The following NHEJ1 variants were observed in gnomAD, a reference collection of about 807,000 sequenced individuals.
NHEJ1 encodes non-homologous end joining factor 1, also known as non-homologous end-joining factor 1.
A neutral mutation model predicts 39.4 loss-of-function variants in NHEJ1; 22 were observed. The ratio of observed to expected loss-of-function variants is 0.56; its 90% CI spans 0.40 to 0.80. The LOEUF is 0.80. NHEJ1 is among the 30% of genes least tolerant of loss of function. NHEJ1 has a pLI of 0.00. For missense variants in NHEJ1, 329 were observed against 357.1 expected (o/e 0.92, Z 0.63); for synonymous variants, 154 against 135.6 (o/e 1.14, Z -0.94).
At chr2:219,102,175 A>C (rs1949268009) in intron 5 of NHEJ1, among the ~76,000 whole-genome samples, 1 of 152,214 alleles carries the variant, frequency 6.6e-6, no homozygotes, top group African/African-American at 2.4e-5. Flanking sequence ...AATTTTATAG[A>C]GTACATTCCC....
At chr2:219,080,349 C>T (rs747675177) in intron 5 of NHEJ1, among the ~76,000 whole-genome samples, 49 of 151,820 alleles carry the variant, frequency 3.2e-4, no homozygotes, top group African/African-American at 1.1e-3. Flanking sequence ...ACGGTGAAAC[C>T]GCATCTCTAC....
chr2:219,113,841 T>C (rs1347065009), intron 5 of NHEJ1, among the ~76,000 whole-genome samples: 1 of 151,570 alleles, frequency 6.6e-6, no homozygotes, highest in African/African-American at 2.4e-5. Flanking sequence ...ATCATAATGA[T>C]GACCATCACC....
At chr2:219,102,691 C>T (rs1949274462) in intron 5 of NHEJ1, 3 of 151,810 alleles carry the variant, frequency 2.0e-5, no homozygotes, top group Admixed American at 2.0e-4. Context: ...ATAGCTACTG[C>T]ACTCTAGCCT....
intron 5 of NHEJ1, among the ~76,000 whole-genome samples, chr2:219,093,989 A>G (rs2106329072): frequency 6.6e-6 from 1 of 152,342 alleles, no homozygotes; most frequent in Non-Finnish European, 1.5e-5. Context: ...CTCTAGAGAA[A>G]AATTAGTAAG....
At chr2:219,146,894 T>C (rs1382095509) in intron 4 of NHEJ1, among the ~76,000 whole-genome samples, 156 bp from the exon 5 acceptor site, 1 of 152,106 alleles carries the variant, frequency 6.6e-6, no homozygotes, top group East Asian at 1.9e-4. Context: ...GCTGAGAGCA[T>C]GTGGGCAAAA....
chr2:219,124,398 C>T (rs1241730379), intron 5 of NHEJ1, among the ~76,000 whole-genome samples: 3 of 151,986 alleles, frequency 2.0e-5, no homozygotes, highest in Non-Finnish European at 4.4e-5. Context: ...TTGAAATTTG[C>T]CCAAACAGGG....
chr2:219,131,181 T>G (rs753546629), intron 5 of NHEJ1, among the ~76,000 whole-genome samples: 1 of 152,016 alleles, frequency 6.6e-6, no homozygotes, highest in East Asian at 1.9e-4. Flanking sequence ...ATAAGACATG[T>G]TGGGGGAGGG....
chr2:219,104,333 T>C (rs920459288), intron 5 of NHEJ1, among the ~76,000 whole-genome samples: 6 of 152,172 alleles, frequency 3.9e-5, no homozygotes, highest in Admixed American at 3.3e-4. Context: ...TTGAGAACAG[T>C]ATTGACAGCT....
chr2:219,072,504 T>C lies in NHEJ1; in HGVS notation c.*3877A>G, dbSNP rs184455202. 3.6e-3 allele frequency among the ~76,000 whole-genome samples: 555 copies of C among 152,326 alleles called. 2 individuals are homozygous for C. Among genetic ancestry groups the C allele is most frequent in the Non-Finnish European group, 5.7e-3 (388 of 68,038 alleles). ...TTAGAAGACAGAAACTACTTCACAG[T>C]AGAGCTTAGAAAAACATATCCTGAT... On this transcript the variant is annotated 3_prime_UTR_variant, in exon 8 of 8. Coordinates refer to ENST00000356853, the MANE Select transcript of NHEJ1 (RefSeq NM_024782.3).
chr2:219,135,182 G>A (rs1018079731), intron 5 of NHEJ1, among the ~76,000 whole-genome samples: 4 of 152,212 alleles, frequency 2.6e-5, no homozygotes, highest in African/African-American at 7.2e-5. Flanking sequence ...TGTAACAAAT[G>A]GATTTTTATG....
At chr2:219,080,508 G>C (rs1359327174) in intron 5 of NHEJ1, among the ~76,000 whole-genome samples, 1 of 150,006 alleles carries the variant, frequency 6.7e-6, no homozygotes, top group African/African-American at 2.4e-5. Context: ...CTGGGCGACA[G>C]AGCAAGACTC....
chr2:219,147,886 A>T (rs949893152), intron 3 of NHEJ1, 91 bp from the exon 4 acceptor site: 2 of 1,325,634 alleles, frequency 1.5e-6, no homozygotes, highest in African/African-American at 2.9e-5. Flanking sequence ...CCGAAAAATA[A>T]ATGTTCTTAC....
At chr2:219,146,887 G>A in intron 4 of NHEJ1, 149 bp from the exon 5 acceptor site, 1 of 675,210 alleles carries the variant, frequency 1.5e-6, no homozygotes, top group Non-Finnish European at 2.7e-6. Context: ...AAGAAGGGCT[G>A]AGAGCATGTG....
chr2:219,101,966 C>T (rs1188707816), intron 5 of NHEJ1, among the ~76,000 whole-genome samples: 6 of 145,454 alleles, frequency 4.1e-5, no homozygotes, highest in Non-Finnish European at 7.6e-5. Context: ...CCTCGTGATC[C>T]GCCCGCCTCG....
At position 219,078,243 on chromosome 2, in the gene NHEJ1, G is replaced by A. The variant is rs748614403; in HGVS notation, c.589-37C>T. The A allele has an allele frequency of 1.1e-5, 17 of 1,543,632 alleles. No individual in the cohort carries two copies. The South Asian group carries it at 1.8e-4, about 16-fold the overall frequency. On this transcript the variant is annotated intron_variant, in intron 5 of 7. Coordinates refer to ENST00000356853, the MANE Select transcript of NHEJ1 (RefSeq NM_024782.3). ...AGGAGATACTGTCATTGGTTACACTGTATTGCTAGAGAAGCGATCTAATAC... is the reference window on the plus strand; with the variant it reads ...AGGAGATACTGTCATTGGTTACACTATATTGCTAGAGAAGCGATCTAATAC...
intron 5 of NHEJ1, among the ~76,000 whole-genome samples, chr2:219,140,584 G>T (rs568591854): frequency 6.6e-6 from 1 of 152,306 alleles, no homozygotes. Flanking sequence ...CAGCAGTCAG[G>T]ATGACTCCAA....
chr2:219,140,390 T>G (rs1165110363), intron 5 of NHEJ1, among the ~76,000 whole-genome samples: 2 of 152,202 alleles, frequency 1.3e-5, no homozygotes, highest in Admixed American at 6.5e-5. Flanking sequence ...ATAGCTTTGT[T>G]GATAATAGGC....
At chr2:219,137,583 A>AC (rs1553547546) in intron 5 of NHEJ1, among the ~76,000 whole-genome samples, 10 of 141,062 alleles carry the variant, frequency 7.1e-5, no homozygotes, top group East Asian at 5.9e-4. Flanking sequence ...AAAAAAAAAA[A>AC]AAAAAAAAAC....
chr2:219,140,098 C>A (rs962765486), intron 5 of NHEJ1, among the ~76,000 whole-genome samples: 7 of 152,134 alleles, frequency 4.6e-5, no homozygotes, highest in African/African-American at 1.7e-4. Context: ...ACATTCCAGG[C>A]AGAGGGAACA....
Sources: allele counts gnomAD v4.1 joint callset (sites outside exome capture counted in the v4.1 genomes callset), GRCh38; gene constraint gnomAD v4.1.1; transcripts MANE v1.5; gene names NCBI Gene and HGNC (gene_info 2026-07-23, HGNC 2026-07-21).